COPB2: variants seen among roughly 807,000 people sequenced by gnomAD.
The protein encoded by COPB2 is coat protein complex I subunit beta 2.
Under a neutral mutation model 120.8 loss-of-function variants are expected in COPB2, and 16 were observed. The observed-to-expected ratio is 0.13, with a 90% CI of 0.09 to 0.20. The LOEUF is 0.20. Among genes scored for constraint, COPB2 ranks in the 10% least tolerant of loss-of-function variants. The pLI, the probability that COPB2 is intolerant of heterozygous loss-of-function variation, is 1.00. For missense variants in COPB2, 794 were observed against 1,076.5 expected, an observed-to-expected ratio of 0.74 and a Z score of 3.67; for synonymous variants, 332 against 366.3, an observed-to-expected ratio of 0.91 and a Z score of 1.07.
intron 20 of COPB2, chr3:139,358,474 C>T (rs1486375231): frequency 9.9e-6 from 6 of 607,230 alleles, no homozygotes; most frequent in East Asian, 2.8e-5. Context: ...GTCAGGAGAT[C>T]GAGACCATCC....
In COPB2 at chr3:139,369,363, G is replaced by C; in HGVS notation, c.1299C>G (p.Ile433Met). Reference protein sequence around the residue: ...SFKPDFGAESIYGGFLLGVRS... With the variant: ...SFKPDFGAESMYGGFLLGVRS... ...TGACTCCCAATAAGAAGCCGCCGTA[G>C]ATACCTAAAGGGAACATAAAAAGAG... The change falls in exon 12 of 22, where the codon ATC becomes ATG. Residue 433 changes from isoleucine to methionine, a missense_variant. Transcript: ENST00000333188. 6.2e-7 allele frequency: 1 copy of C among 1,612,188 alleles called. No homozygotes were observed. Among genetic ancestry groups the C allele is most frequent in the Non-Finnish European group, 8.5e-7 (1 of 1,179,264 alleles).
In COPB2 at chr3:139,383,370, C is replaced by T. The variant is rs1941850552; in HGVS notation, c.69G>A (p.Leu23=). 1 of 1,612,076 alleles carries T rather than the reference C, an allele frequency of 6.2e-7. No individual in the cohort carries two copies. Among genetic ancestry groups the T allele is most frequent in the Non-Finnish European group, 8.5e-7 (1 of 1,179,134 alleles). Residue 23 remains leucine, a synonymous_variant, in exon 2 of 22, where the codon CTG becomes CTA. Coordinates refer to ENST00000333188, the MANE Select transcript of COPB2 (RefSeq NM_004766.3). Reference sequence around the variant, plus strand: ...CCAACATCCATGGCTCTGTAGGATGCAGATCCACACTCTTAACTCGATCAG... The same window carrying T: ...CCAACATCCATGGCTCTGTAGGATGTAGATCCACACTCTTAACTCGATCAG... The part of the protein sequence containing the change: ...ARSDRVKSVD[L]HPTEPWMLAS...
chr3:139,371,712 T>C lies in COPB2; in HGVS notation c.1205+11A>G, dbSNP rs746028540. ...TCAGGGCATGCTGGCTATCATACAA[T>C]CAAAACTTACTCTGAAGAATCGTGG... On this transcript the variant is annotated intron_variant, in intron 10 of 21. Coordinates refer to ENST00000333188, the MANE Select transcript of COPB2 (RefSeq NM_004766.3). 1.2e-6 allele frequency: 2 copies of C among 1,611,594 alleles called. No individual in the cohort carries two copies. The highest frequency in any genetic ancestry group is 8.5e-7 in the Non-Finnish European group (1 of 1,177,862).
At position 139,362,492 on chromosome 3, in the gene COPB2, A is replaced by G. The variant is rs1467459280; in HGVS notation, c.1910T>C (p.Val637Ala). ...KQGFKQQALT[V>A]STDPEHRFEL... ...AAAACGATGCTCAGGATCTGTGGATACTGTAAGAGCTTGCTGCTTGAAGCC... is the reference window on the plus strand; with the variant it reads ...AAAACGATGCTCAGGATCTGTGGATGCTGTAAGAGCTTGCTGCTTGAAGCC... The change falls in exon 16 of 22, where the codon GTA (valine) becomes GCA (alanine). Residue 637 changes from valine (V) to alanine (A), a missense_variant. By Grantham distance (64) the Val-to-Ala change is moderately conservative. Transcript: ENST00000333188. 1 of 1,609,898 alleles carries G rather than the reference A, an allele frequency of 6.2e-7. No homozygotes were observed. The highest frequency in any genetic ancestry group is 8.5e-7 in the Non-Finnish European group (1 of 1,178,234).
chr3:139,373,113 A>C, intron 9 of COPB2, 100 bp downstream of exon 9: 1 of 1,160,346 alleles, frequency 8.6e-7, no homozygotes, highest in Non-Finnish European at 1.3e-6. Context: ...ACATTGAGGA[A>C]TGATTAGAGA....
At chr3:139,376,508 G>C (rs562322020) in intron 5 of COPB2, among the ~76,000 whole-genome samples, 1 of 152,184 alleles carries the variant, frequency 6.6e-6, no homozygotes, top group Non-Finnish European at 1.5e-5. Context: ...TTGTTCTCAA[G>C]ATAAACCTAA....
intron 1 of COPB2, 22 bp downstream of exon 1, chr3:139,389,526 C>G: frequency 1.9e-6 from 3 of 1,560,298 alleles, no homozygotes; most frequent in Non-Finnish European, 2.6e-6. Flanking sequence ...ACCCCGCTCC[C>G]TTCTACGGGA....
At chr3:139,386,726 C>G (rs1224639164) in intron 1 of COPB2, among the ~76,000 whole-genome samples, 1 of 152,134 alleles carries the variant, frequency 6.6e-6, no homozygotes, top group Non-Finnish European at 1.5e-5. Context: ...GCCAGCATGT[C>G]TCACAATTTT....
At chr3:139,359,427 C>CAAAGT (rs1395355992) in intron 17 of COPB2, 65 bp from the exon 18 acceptor site, 1 of 1,480,874 alleles carries the variant, frequency 6.8e-7, no homozygotes, top group African/African-American at 1.4e-5. Flanking sequence ...GTACTTAACA[C>CAAAGT]AAAGTAAATT....
At chr3:139,360,299 G>A (rs1478586501) in intron 17 of COPB2, among the ~76,000 whole-genome samples, 1 of 151,910 alleles carries the variant, frequency 6.6e-6, no homozygotes. Context: ...CGAGGCAGGC[G>A]GATCATTTGA....
At chr3:139,367,959 A>C (rs1348930769) in intron 13 of COPB2, among the ~76,000 whole-genome samples, 186 bp downstream of exon 13, 1 of 152,220 alleles carries the variant, frequency 6.6e-6, no homozygotes, top group Non-Finnish European at 1.5e-5. Flanking sequence ...TTTCTTTTAA[A>C]CATATTTATT....
At chr3:139,373,445 A>C in intron 8 of COPB2, 33 bp from the exon 9 acceptor site, 1 of 1,610,214 alleles carries the variant, frequency 6.2e-7, no homozygotes, top group Non-Finnish European at 8.5e-7. Context: ...TCAGCAATGA[A>C]AAGGAAAATG....
In COPB2 at chr3:139,373,233, A is replaced by C. The variant is rs1374601138; in HGVS notation, c.1074T>G (p.Ile358Met). 3 of 1,614,062 alleles carry C rather than the reference A, an allele frequency of 1.9e-6. No individual in the cohort carries two copies. In the Admixed American group the frequency reaches 5.0e-5, roughly 27 times the overall value. Residue 358 changes from isoleucine (I) to methionine (M), a missense_variant, in exon 9 of 22, where the codon ATT (isoleucine) becomes ATG (methionine). This residue lies in a region of COPB2 where 610 missense variants were observed against 866.7 expected (regional missense o/e 0.70). Coordinates refer to ENST00000333188, the MANE Select transcript of COPB2 (RefSeq NM_004766.3). ...MGSCEIYPQT[I>M]QHNPNGRFVV... ...CTTACCGCCCATTAGGATTGTGCTGAATAGTCTGAGGGTATATTTCACAAC... is the reference window on the plus strand; with the variant it reads ...CTTACCGCCCATTAGGATTGTGCTGCATAGTCTGAGGGTATATTTCACAAC...
rs1203010402 is a variant in COPB2, at chr3:139,373,818, A to G, written c.752-10T>C. On this transcript the variant is annotated splice_polypyrimidine_tract_variant and intron_variant, in intron 7 of 21. Coordinates refer to ENST00000333188, the MANE Select transcript of COPB2 (RefSeq NM_004766.3). ...CAAATACGTACTGTTCCTAAAAAGA[A>G]CAATGTAAATACTCCCTTTTGATAC... The G allele has an allele frequency of 6.2e-7, 1 of 1,613,890 alleles. No individual in the cohort carries two copies. The highest frequency in any genetic ancestry group is 8.5e-7 in the Non-Finnish European group (1 of 1,179,906).
chr3:139,389,435 G>T (rs1942007672), intron 1 of COPB2, 113 bp downstream of exon 1: 1 of 1,359,950 alleles, frequency 7.4e-7, no homozygotes. Context: ...GGCCTGAGGC[G>T]GCGGCCGCAG....
chr3:139,360,760 G>A (rs995031581), intron 17 of COPB2, among the ~76,000 whole-genome samples: 1 of 152,074 alleles, frequency 6.6e-6, no homozygotes, highest in African/African-American at 2.4e-5. Flanking sequence ...GTACCTACTA[G>A]AGCAGCTCAA....
chr3:139,387,197 TG>T (rs1412610820), intron 1 of COPB2, among the ~76,000 whole-genome samples: 1 of 147,634 alleles, frequency 6.8e-6, no homozygotes, highest in East Asian at 2.0e-4. Flanking sequence ...GGCGACAGAG[TG>T]AGATTCTGTC....
At chr3:139,362,783 TAAACTC>T (rs921060895) in intron 15 of COPB2, among the ~76,000 whole-genome samples, 5 of 152,172 alleles carry the variant, frequency 3.3e-5, no homozygotes, top group African/African-American at 4.8e-5. Flanking sequence ...TGGCTAATGT[TAAACTC>T]AAGTAACCAG....
In COPB2 at chr3:139,357,975, G is replaced by A; in HGVS notation, c.2626-17C>T. The A allele has an allele frequency of 6.8e-7, 1 of 1,474,718 alleles. No individual in the cohort carries two copies. The highest frequency in any genetic ancestry group is 1.8e-5 in the Admixed American group (1 of 54,826). The allele number at this position is 1,474,718 out of a possible 1,614,324, so 91.4% of individuals were successfully genotyped here. On this transcript the variant is annotated splice_polypyrimidine_tract_variant and intron_variant, in intron 21 of 21. Transcript: ENST00000333188. ...GAGTAAACTCTGCAGACAAAAGGAAGAGGGTAATTAAGTTTTACAGTACTG... is the reference window on the plus strand; with the variant it reads ...GAGTAAACTCTGCAGACAAAAGGAAAAGGGTAATTAAGTTTTACAGTACTG...
Sources: allele counts gnomAD v4.1 joint callset (sites outside exome capture counted in the v4.1 genomes callset), GRCh38; gene constraint gnomAD v4.1.1; regional missense constraint gnomAD v4.1.1; transcripts MANE v1.5; gene names NCBI Gene and HGNC (gene_info 2026-07-23, HGNC 2026-07-21).